The following ESRRG variants were observed in gnomAD, a reference collection of about 807,000 sequenced individuals.
The protein encoded by ESRRG is estrogen-related receptor gamma.
Under a neutral mutation model 44.0 loss-of-function variants are expected in ESRRG, and 13 were observed. The observed-to-expected ratio is 0.30, with a 90% confidence interval of 0.19 to 0.47. The LOEUF is 0.47. Among genes scored for constraint, ESRRG ranks in the 20% least tolerant of loss-of-function variants. The pLI is 1.00. For missense variants in ESRRG, 395 were observed against 580.6 expected (o/e 0.68, Z 3.29); for synonymous variants, 215 against 214.6 (o/e 1.00, Z -0.02).
chr1:216,526,392 G>A (rs528569589), intron 5 of ESRRG, among the ~76,000 whole-genome samples: 4 of 152,204 alleles, frequency 2.6e-5, no homozygotes, highest in South Asian at 2.1e-4. Flanking sequence ...ATGGACGTGT[G>A]CAGAGGAAAG....
intron 1 of ESRRG, among the ~76,000 whole-genome samples, chr1:217,068,237 G>A (rs899995634): frequency 1.3e-5 from 2 of 152,250 alleles, no homozygotes; most frequent in Non-Finnish European, 2.9e-5. Flanking sequence ...TTCAGGAGCC[G>A]CTGTGCCCTT....
intron 5 of ESRRG, among the ~76,000 whole-genome samples, chr1:216,559,364 G>A (rs999235177): frequency 2.6e-5 from 4 of 152,176 alleles, no homozygotes; most frequent in African/African-American, 7.2e-5. Flanking sequence ...TAGCAAAGTA[G>A]AAATATTATA....
At chr1:216,674,376 A>G (rs189494730) in intron 2 of ESRRG, among the ~76,000 whole-genome samples, 152 of 152,356 alleles carry the variant, frequency 1.0e-3, no homozygotes, top group Admixed American at 3.1e-3. Context: ...AGGATAAAGA[A>G]AATAAAAATC....
intron 1 of ESRRG, among the ~76,000 whole-genome samples, chr1:216,991,297 C>A (rs935826385): frequency 2.6e-5 from 4 of 152,084 alleles, no homozygotes; most frequent in Non-Finnish European, 5.9e-5. Flanking sequence ...CCATTGAAAC[C>A]AACATAGAAT....
rs986005095 is a variant in ESRRG at position 216,924,095 on chromosome 1, G to A, written c.-14+15487C>T. ...AGAGAAATTCGAGGAGTGAGCAAGT[G>A]GATCCAGAAATGAAGGGCAGGGGGA... On this transcript the variant is annotated intron_variant, in intron 2 of 7. Coordinates refer to the ESRRG transcript ENST00000359162. 1.4e-4 allele frequency among the ~76,000 whole-genome samples: 21 copies of A among 152,224 alleles called. 1 individual carries two copies. In the East Asian group the frequency reaches 2.1e-3, roughly 15 times the overall value.
chr1:217,011,658 C>T (rs2078639756), intron 1 of ESRRG, among the ~76,000 whole-genome samples: 1 of 152,080 alleles, frequency 6.6e-6, no homozygotes, highest in Non-Finnish European at 1.5e-5. Context: ...TTGGAGAAGA[C>T]ATAATGTCCA....
chr1:216,770,813 C>G (rs1214783016), intron 2 of ESRRG, among the ~76,000 whole-genome samples: 1 of 152,020 alleles, frequency 6.6e-6, no homozygotes, highest in Non-Finnish European at 1.5e-5. Context: ...ACTGTCAAGT[C>G]CCTACCACAA....
At chr1:216,795,713 C>T (rs2094454528) in intron 2 of ESRRG, among the ~76,000 whole-genome samples, 1 of 152,046 alleles carries the variant, frequency 6.6e-6, no homozygotes, top group South Asian at 2.1e-4. Flanking sequence ...AATTTTGAAT[C>T]TTCAAATTTT....
rs1247322707 is a variant in ESRRG at position 216,787,972 on chromosome 1, T to C, written c.-13-110481A>G. Among the ~76,000 whole-genome samples, 5 of 152,100 alleles carry C rather than the reference T, an allele frequency of 3.3e-5. No individual in the cohort carries two copies. In the East Asian group the frequency reaches 9.7e-4, roughly 29 times the overall value. ...AGAGCAAGGTCTTAACTCTCTTCAA[T>C]TTCCGGAAGGCTGAGAGAAATGAGG... On this transcript the variant is annotated intron_variant, in intron 2 of 7. Transcript: ENST00000359162.
At chr1:216,605,355 G>T (rs1037299638) in intron 3 of ESRRG, among the ~76,000 whole-genome samples, 20 of 151,902 alleles carry the variant, frequency 1.3e-4, no homozygotes, top group South Asian at 4.2e-4. Flanking sequence ...GGAGCAGTTT[G>T]CAAAAGATTA....
At chr1:216,856,575 C>T (rs542103214) in intron 2 of ESRRG, among the ~76,000 whole-genome samples, 314 of 152,280 alleles carry the variant, frequency 2.1e-3, no homozygotes, top group African/African-American at 7.3e-3. Context: ...ATATTTGAAG[C>T]ACACACAAGT....
chr1:216,769,000 A>T (rs1023324359), intron 2 of ESRRG, among the ~76,000 whole-genome samples: 1 of 152,036 alleles, frequency 6.6e-6, no homozygotes, highest in African/African-American at 2.4e-5. Context: ...ATCATAATAT[A>T]CTTCAACAAA....
chr1:216,665,937 T>C (rs2073819077), intron 2 of ESRRG, among the ~76,000 whole-genome samples: 1 of 152,194 alleles, frequency 6.6e-6, no homozygotes, highest in Non-Finnish European at 1.5e-5. Context: ...TAATGTGTTT[T>C]ATAACTTCTA....
chr1:216,779,448 T>A (rs1576464757), intron 2 of ESRRG, among the ~76,000 whole-genome samples: 5 of 24,364 alleles, frequency 2.1e-4, no homozygotes, highest in Non-Finnish European at 3.9e-4. Context: ...AAATAAATAT[T>A]TATAAATATA....
intron 1 of ESRRG, among the ~76,000 whole-genome samples, chr1:216,697,156 G>A (rs545624413): frequency 2.0e-5 from 3 of 152,156 alleles, no homozygotes; most frequent in African/African-American, 7.2e-5. Context: ...AGTAGAGACA[G>A]GGTTTCTCCA....
intron 2 of ESRRG, among the ~76,000 whole-genome samples, chr1:216,832,255 G>C (rs1311348682): frequency 6.6e-6 from 1 of 152,170 alleles, no homozygotes; most frequent in Non-Finnish European, 1.5e-5. Flanking sequence ...TTAGCAAAAA[G>C]TAAAACATTA....
chr1:216,985,806 G>T (rs530153686), intron 1 of ESRRG: 1 of 152,184 alleles, frequency 6.6e-6, no homozygotes, highest in Non-Finnish European at 1.5e-5. Context: ...TGGCTGCCAA[G>T]GTAGATGGCA....
At chr1:216,927,200 T>C (rs753651449) in intron 2 of ESRRG, among the ~76,000 whole-genome samples, 6 of 152,196 alleles carry the variant, frequency 3.9e-5, no homozygotes, top group South Asian at 2.1e-4. Context: ...ATAGTGTATA[T>C]ACACTCTTCA....
At chr1:216,667,548 T>A (rs932761437) in intron 2 of ESRRG, among the ~76,000 whole-genome samples, 35 of 151,386 alleles carry the variant, frequency 2.3e-4, no homozygotes, top group African/African-American at 8.0e-4. Context: ...TAGCCAGGCA[T>A]GGTGGTGCAT....
Sources: gnomAD v4.1 joint callset for allele counts (sites outside exome capture counted in the v4.1 genomes callset) on GRCh38, gnomAD v4.1.1 for gene constraint, MANE v1.5 for transcripts, NCBI Gene and HGNC (gene_info 2026-07-23, HGNC 2026-07-21) for gene names.